The following RPRD1B variants were observed in gnomAD, a reference collection of about 807,000 sequenced individuals.
The protein encoded by RPRD1B is regulation of nuclear pre-mRNA domain-containing protein 1B.
Under a neutral mutation model 41.5 loss-of-function variants are expected in RPRD1B, and 11 were observed. The ratio of observed to expected loss-of-function variants is 0.27; its 90% CI spans 0.17 to 0.44. The LOEUF is 0.44. RPRD1B is among the 20% of genes least tolerant of loss of function. The probability of loss-of-function intolerance (pLI) is 1.00; values close to 1 mark genes in which losing one functional copy is unlikely to be tolerated. For missense variants in RPRD1B, 248 were observed against 389.9 expected (o/e 0.64, Z 3.06); for synonymous variants, 158 against 155.6 (o/e 1.02, Z -0.12).
chr20:38,087,212 G>A (rs537902292), intron 6 of RPRD1B, among the ~76,000 whole-genome samples: 25 of 152,234 alleles, frequency 1.6e-4, no homozygotes, highest in African/African-American at 5.5e-4. Flanking sequence ...TGCCTGCCTC[G>A]GCCTCCCAAA....
chr20:38,043,487 A>G (rs867832351), intron 2 of RPRD1B, among the ~76,000 whole-genome samples: 2 of 152,140 alleles, frequency 1.3e-5, no homozygotes, highest in Non-Finnish European at 2.9e-5. Flanking sequence ...ATTCCAACAT[A>G]CATTTTTAAA....
intron 1 of RPRD1B, among the ~76,000 whole-genome samples, chr20:38,040,025 C>T (rs980683220): frequency 5.9e-5 from 9 of 152,134 alleles, no homozygotes; most frequent in Non-Finnish European, 1.0e-4. Flanking sequence ...TGAGCCACTG[C>T]GTCCGGCCAA....
At chr20:38,068,586 G>A (rs2074381638) in intron 6 of RPRD1B, among the ~76,000 whole-genome samples, 1 of 152,142 alleles carries the variant, frequency 6.6e-6, no homozygotes, top group Admixed American at 6.5e-5. Flanking sequence ...TTTTAGCAGA[G>A]ACAGAGTTTC....
rs1307190868 is a variant in RPRD1B, at chr20:38,090,817, C to T, written c.*942C>T. The T allele has an allele frequency of 2.0e-6, 2 of 985,356 alleles. No homozygotes were observed. Among genetic ancestry groups the T allele is most frequent in the Non-Finnish European group, 2.4e-6 (2 of 829,964 alleles). The allele number at this position is 985,356 out of a possible 1,614,324, so 61.0% of individuals were successfully genotyped here. A position where few individuals can be genotyped will look rare whatever the true frequency, so the allele number is the denominator to read the frequency against. Reference sequence around the variant, plus strand: ...AGGGTACACACTAACGTTTAATCCGCTGTCTGGGTGCATGTCCACAGTACG... The same window carrying T: ...AGGGTACACACTAACGTTTAATCCGTTGTCTGGGTGCATGTCCACAGTACG... On this transcript the variant is annotated 3_prime_UTR_variant, in exon 7 of 7. Transcript: ENST00000373433.
At chr20:38,058,878 T>C (rs2074269533) in intron 4 of RPRD1B, among the ~76,000 whole-genome samples, 1 of 152,096 alleles carries the variant, frequency 6.6e-6, no homozygotes, top group African/African-American at 2.4e-5. Flanking sequence ...GGCTTATTAT[T>C]TTATTTTAAT....
chr20:38,070,863 C>G (rs918537854), intron 6 of RPRD1B: 3 of 362,554 alleles, frequency 8.3e-6, no homozygotes, highest in Non-Finnish European at 1.1e-5. Flanking sequence ...TCCCGAGTAG[C>G]TGGGACTACA....
intron 6 of RPRD1B, among the ~76,000 whole-genome samples, chr20:38,066,692 G>A (rs1461794581): frequency 2.0e-5 from 3 of 151,972 alleles, no homozygotes; most frequent in African/African-American, 4.8e-5. Flanking sequence ...GTCTCGCTCC[G>A]TCGCCCAGGC....
chr20:38,049,847 A>G, intron 3 of RPRD1B: 1 of 471,026 alleles, frequency 2.1e-6, no homozygotes, highest in Admixed American at 2.3e-5. Flanking sequence ...TTCTATCTGA[A>G]CTAGCCTGTT....
chr20:38,039,886 A>G (rs2074047187), intron 1 of RPRD1B, among the ~76,000 whole-genome samples: 1 of 151,112 alleles, frequency 6.6e-6, no homozygotes. Context: ...GGTGCCCACC[A>G]TCACACCCGG....
intron 6 of RPRD1B, among the ~76,000 whole-genome samples, chr20:38,087,362 C>G (rs1249659560): frequency 6.6e-6 from 1 of 152,182 alleles, no homozygotes; most frequent in Non-Finnish European, 1.5e-5. Context: ...AATGAACTTG[C>G]CACGTTGGTC....
rs147122620 is a variant in RPRD1B at position 38,080,916 on chromosome 20, G to A, written c.832-8810G>A. On this transcript the variant is annotated intron_variant, in intron 6 of 6. Coordinates refer to ENST00000373433, the MANE Select transcript of RPRD1B (RefSeq NM_021215.4). ...TTTCCATGCTGTTTTAGTTACTGTA[G>A]CCTTATAGTATAGTTTGAAGTTGGG... is the stretch of plus-strand genomic sequence containing the variant. Among the ~76,000 whole-genome samples the A allele has an allele frequency of 3.4e-3, 525 of 152,260 alleles. 2 individuals carry two copies. Among genetic ancestry groups the A allele is most frequent in the African/African-American group, 0.012 (496 of 41,544 alleles).
chr20:38,043,251 A>G (rs73298438), intron 2 of RPRD1B, among the ~76,000 whole-genome samples: 26 of 152,362 alleles, frequency 1.7e-4, no homozygotes, highest in African/African-American at 5.0e-4. Flanking sequence ...GGGAGCAGCT[A>G]TTAAGAAAAA....
At chr20:38,049,731 G>A (rs1382877073) in intron 3 of RPRD1B, 2 of 471,086 alleles carry the variant, frequency 4.2e-6, no homozygotes. Flanking sequence ...GTTAGTTGTG[G>A]TTTAATTCTA....
intron 2 of RPRD1B, among the ~76,000 whole-genome samples, chr20:38,042,618 C>T (rs1034370604): frequency 6.6e-6 from 1 of 152,130 alleles, no homozygotes; most frequent in Non-Finnish European, 1.5e-5. Flanking sequence ...TTGGGTATTA[C>T]ATTCAGGATA....
intron 6 of RPRD1B, among the ~76,000 whole-genome samples, chr20:38,071,242 C>T (rs1284239600): frequency 1.3e-5 from 2 of 152,246 alleles, no homozygotes; most frequent in Admixed American, 1.3e-4. Flanking sequence ...TAACCATGCA[C>T]TTCAAAGTGC....
chr20:38,054,690 T>A lies in RPRD1B; in HGVS notation c.416-2842T>A, dbSNP rs190714035. 8.2e-3 allele frequency among the ~76,000 whole-genome samples: 1,246 copies of A among 152,356 alleles called. 31 individuals carry two copies. The highest frequency in any genetic ancestry group is 5.6e-3 in the Non-Finnish European group (383 of 68,038). ...GTGTTTGATGTTTATATATAATAAT[T>A]TCTGTGTGAGAGTTTGAAAACGGAA... On this transcript the variant is annotated intron_variant, in intron 3 of 6. Transcript: ENST00000373433.
At chr20:38,062,165 A>G (rs2074304217) in intron 5 of RPRD1B, among the ~76,000 whole-genome samples, 1 of 152,180 alleles carries the variant, frequency 6.6e-6, no homozygotes, top group South Asian at 2.1e-4. Flanking sequence ...AATTTGTGGT[A>G]ATTTGCTACA....
rs573387641 is a variant in RPRD1B at position 38,086,345 on chromosome 20, C to A, written c.832-3381C>A. ...CTCTCTTCAGGAAATTAATCTGGGTCATTTGACTGTCCCAGTTAAGCAGGT... is the reference window on the plus strand; with the variant it reads ...CTCTCTTCAGGAAATTAATCTGGGTAATTTGACTGTCCCAGTTAAGCAGGT... On this transcript the variant is annotated intron_variant, in intron 6 of 6. Coordinates refer to ENST00000373433, the MANE Select transcript of RPRD1B (RefSeq NM_021215.4). 2.6e-5 allele frequency among the ~76,000 whole-genome samples: 4 copies of A among 152,312 alleles called. No individual in the cohort carries two copies. The East Asian group carries it at 7.7e-4, about 29-fold the overall frequency.
intron 6 of RPRD1B, among the ~76,000 whole-genome samples, chr20:38,080,390 T>C (rs1287695588): frequency 6.6e-6 from 1 of 152,246 alleles, no homozygotes; most frequent in African/African-American, 2.4e-5. Context: ...GTAAAAGGAA[T>C]GGGTCCAGTT....
Sources: gnomAD v4.1 joint callset for allele counts (sites outside exome capture counted in the v4.1 genomes callset) on GRCh38, gnomAD v4.1.1 for gene constraint, MANE v1.5 for transcripts, NCBI Gene and HGNC (gene_info 2026-07-23, HGNC 2026-07-21) for gene names.